FAM169A: variants seen among roughly 807,000 people sequenced by gnomAD.
The protein encoded by FAM169A is family with sequence similarity 169 member A, also known as soluble lamin-associated protein of 75 kDa.
FAM169A carries 24 observed loss-of-function variants against 75.7 expected under a neutral mutation model. That is an observed-to-expected ratio of 0.32 (90% CI 0.23 to 0.45). The LOEUF is 0.45. Among genes scored for constraint, FAM169A ranks in the 20% least tolerant of loss-of-function variants. The pLI is 1.00. For synonymous variants in FAM169A, 271 were observed against 271.0 expected (o/e 1.00, Z 0.00); for missense variants, 673 against 784.0 (o/e 0.86, Z 1.69).
chr5:74,841,465 G>T lies in FAM169A; in HGVS notation c.132+80C>A, dbSNP rs991879653. On this transcript the variant is annotated intron_variant, in intron 2 of 12. Transcript: ENST00000687041. The stretch of plus-strand genomic sequence containing the variant: ...AAAATTAATGATTAACACTTAAAAT[G>T]ATTTTTTTAAAAAAGGATATTTATT... 11 of 1,124,106 alleles carry T rather than the reference G, an allele frequency of 9.8e-6. No homozygotes were observed. The East Asian group carries it at 2.2e-4, about 22-fold the overall frequency. The allele number at this position is 1,124,106 out of a possible 1,614,324, so 69.6% of individuals were successfully genotyped here.
At chr5:74,782,890 A>G in intron 12 of FAM169A, 41 bp downstream of exon 12, 2 of 1,495,178 alleles carry the variant, frequency 1.3e-6, no homozygotes, top group Non-Finnish European at 1.8e-6. Flanking sequence ...TGTCACCAAC[A>G]TTGGTAAACT....
rs1217630783 is a variant in FAM169A, at chr5:74,866,181, G to A, written c.-20C>T. 24 of 984,114 alleles carry A rather than the reference G, an allele frequency of 2.4e-5. No individual in the cohort carries two copies. The highest frequency in any genetic ancestry group is 6.2e-5 in the Admixed American group (1 of 16,158). 61.0% of individuals were successfully genotyped at this position (984,114 alleles called of 1,614,324 possible). On this transcript the variant is annotated 5_prime_UTR_variant, in exon 1 of 13. Coordinates refer to ENST00000687041, the MANE Select transcript of FAM169A (RefSeq NM_001376049.1). The stretch of plus-strand genomic sequence containing the variant: ...CGCACTCACCTCAGACGCGCCCCGG[G>A]AGCCGCTGGAAGAGCCCGGGAAAGG...
chr5:74,866,910 A>C, upstream of FAM169A: 1 of 985,534 alleles, frequency 1.0e-6, no homozygotes, highest in Non-Finnish European at 1.2e-6. Flanking sequence ...CTTTCATCCT[A>C]AACCTACTGC....
intron 5 of FAM169A, among the ~76,000 whole-genome samples, chr5:74,814,953 T>C (rs1336268067): frequency 6.6e-6 from 1 of 152,188 alleles, no homozygotes; most frequent in African/African-American, 2.4e-5. Context: ...TCCAATAATG[T>C]AGTTCAAACA....
Position 74,781,587 on chromosome 5 carries a change from G to A in FAM169A, c.1886C>T (p.Ala629Val). The change falls in exon 13 of 13, where the codon GCA (alanine) becomes GTA (valine). Residue 629 changes from alanine to valine, a missense_variant. Ala to Val is a moderately conservative substitution (Grantham distance 64). This residue lies in a region of FAM169A where 510 missense variants were observed against 550.9 expected (regional missense o/e 0.93). Coordinates refer to ENST00000687041, the MANE Select transcript of FAM169A (RefSeq NM_001376049.1). ...SEQLDQFTQSAEKAVDSSSEE... is the reference protein window; with the variant it reads ...SEQLDQFTQSVEKAVDSSSEE... ...TGAGCTGCTATCCACAGCTTTTTCT[G>A]CCGATTGTGTAAACTGATCCAGTTG... is the stretch of plus-strand genomic sequence containing the variant. The A allele has an allele frequency of 6.2e-7, 1 of 1,614,104 alleles. No individual in the cohort carries two copies. The highest frequency in any genetic ancestry group is 1.3e-5 in the African/African-American group (1 of 75,026).
At chr5:74,812,355 G>A (rs1580114260) in intron 6 of FAM169A, among the ~76,000 whole-genome samples, 1 of 152,016 alleles carries the variant, frequency 6.6e-6, no homozygotes, top group South Asian at 2.1e-4. Context: ...TCGAATTCCT[G>A]AGCTCAAGCG....
At chr5:74,862,868 C>G (rs1233005453) in intron 1 of FAM169A, among the ~76,000 whole-genome samples, 1 of 152,120 alleles carries the variant, frequency 6.6e-6, no homozygotes, top group African/African-American at 2.4e-5. Context: ...ATCCACAATA[C>G]TTCACTAAAC....
chr5:74,843,528 A>AT (rs1447676558), intron 1 of FAM169A, among the ~76,000 whole-genome samples: 5 of 152,228 alleles, frequency 3.3e-5, no homozygotes, highest in African/African-American at 9.6e-5. Context: ...ACCTATGGAA[A>AT]TTGAGTATGT....
chr5:74,801,165 CT>C (rs2112528980), intron 9 of FAM169A, 135 bp from the exon 10 acceptor site: 4 of 570,756 alleles, frequency 7.0e-6, no homozygotes, highest in Non-Finnish European at 1.1e-5. Context: ...CCTCCCCTCA[CT>C]TATGTCAGGC....
chr5:74,850,734 C>A (rs1749399166), intron 1 of FAM169A, among the ~76,000 whole-genome samples: 2 of 152,046 alleles, frequency 1.3e-5, no homozygotes, highest in Admixed American at 1.3e-4. Flanking sequence ...AACTCAGAGG[C>A]AAATTATAAC....
Position 74,778,216 on chromosome 5 carries a change from T to C in FAM169A, c.*3244A>G, listed in dbSNP as rs1228349433. On this transcript the variant is annotated 3_prime_UTR_variant, in exon 13 of 13. Coordinates refer to ENST00000687041, the MANE Select transcript of FAM169A (RefSeq NM_001376049.1). ...TAACATTTGTAACTAATCACACCCATGAAAGACGACTAGATGACACCTGAA... is the reference window on the plus strand; with the variant it reads ...TAACATTTGTAACTAATCACACCCACGAAAGACGACTAGATGACACCTGAA... 6.6e-6 allele frequency: 1 copy of C among 151,972 alleles called. No homozygotes were observed. The highest frequency in any genetic ancestry group is 2.4e-5 in the African/African-American group (1 of 41,426). The allele number at this position is 151,972 out of a possible 1,614,324, so 9.4% of individuals were successfully genotyped here. A position where few individuals can be genotyped will look rare whatever the true frequency, so the allele number is the denominator to read the frequency against.
At chr5:74,815,729 A>C (rs1191098110) in intron 5 of FAM169A, among the ~76,000 whole-genome samples, 1 of 152,170 alleles carries the variant, frequency 6.6e-6, no homozygotes, top group Non-Finnish European at 1.5e-5. Flanking sequence ...CCTGCTGATA[A>C]AACAGGTTGC....
chr5:74,823,007 GTCC>G (rs1747839904), intron 5 of FAM169A, among the ~76,000 whole-genome samples: 1 of 152,060 alleles, frequency 6.6e-6, no homozygotes, highest in Admixed American at 6.6e-5. Flanking sequence ...CCTAGTTCTG[GTCC>G]TTCATTCACC....
intron 1 of FAM169A, among the ~76,000 whole-genome samples, chr5:74,842,634 C>T (rs1436540050): frequency 7.0e-6 from 1 of 143,000 alleles, no homozygotes; most frequent in Non-Finnish European, 1.5e-5. Flanking sequence ...TGGGCTCAAG[C>T]AATTCTTCTG....
intron 10 of FAM169A, among the ~76,000 whole-genome samples, chr5:74,800,307 C>A (rs1746505723): frequency 6.6e-6 from 1 of 151,050 alleles, no homozygotes; most frequent in African/African-American, 2.4e-5. Flanking sequence ...CAAAGCTTTT[C>A]TTTTAAGTAG....
At chr5:74,831,989 G>A (rs1748334882) in intron 5 of FAM169A, among the ~76,000 whole-genome samples, 1 of 151,996 alleles carries the variant, frequency 6.6e-6, no homozygotes, top group Admixed American at 6.6e-5. Context: ...GTTGGTCAAG[G>A]AAGTAAAAAC....
chr5:74,824,470 T>C (rs995214431), intron 5 of FAM169A, among the ~76,000 whole-genome samples: 4 of 152,198 alleles, frequency 2.6e-5, no homozygotes, highest in African/African-American at 9.7e-5. Context: ...ATTAATCTTC[T>C]AATTAGCACA....
intron 10 of FAM169A, chr5:74,799,178 C>T (rs1746434993): frequency 8.7e-7 from 1 of 1,154,938 alleles, no homozygotes; most frequent in East Asian, 2.3e-5. Flanking sequence ...GACTGGGCTC[C>T]CAAGCATGAC....
At chr5:74,820,473 G>A (rs536334190) in intron 5 of FAM169A, among the ~76,000 whole-genome samples, 4 of 151,970 alleles carry the variant, frequency 2.6e-5, no homozygotes, top group Admixed American at 1.3e-4. Flanking sequence ...AGTAAACCTC[G>A]CCCCTACTCG....
Sources: allele counts gnomAD v4.1 joint callset (sites outside exome capture counted in the v4.1 genomes callset), GRCh38; gene constraint gnomAD v4.1.1; regional missense constraint gnomAD v4.1.1; transcripts MANE v1.5; gene names NCBI Gene and HGNC (gene_info 2026-07-23, HGNC 2026-07-21).